The following PRKAG2 variants were observed in gnomAD, a reference collection of about 807,000 sequenced individuals.
PRKAG2 encodes the protein protein kinase AMP-activated non-catalytic subunit gamma 2, also known as 5'-AMP-activated protein kinase subunit gamma-2.
In PRKAG2, 26 loss-of-function variants were observed where a neutral mutation model predicts 69.6. The observed-to-expected ratio is 0.37, with a 90% CI of 0.27 to 0.52. The LOEUF is 0.52. Among genes scored for constraint, PRKAG2 ranks in the 20% least tolerant of loss-of-function variants. The pLI, the probability that PRKAG2 is intolerant of heterozygous loss-of-function variation, is 0.90. For synonymous variants in PRKAG2, 293 were observed against 285.0 expected (o/e 1.03, Z -0.28); for missense variants, 557 against 740.0 (o/e 0.75, Z 2.87).
chr7:151,832,640 C>T (rs1026632611), intron 1 of PRKAG2, among the ~76,000 whole-genome samples: 4 of 151,200 alleles, frequency 2.6e-5, no homozygotes, highest in South Asian at 4.2e-4. Flanking sequence ...CCTTCCACAG[C>T]GTGAGCCCCC....
At chr7:151,725,030 T>C (rs1797709696) in intron 3 of PRKAG2, among the ~76,000 whole-genome samples, 1 of 151,902 alleles carries the variant, frequency 6.6e-6, no homozygotes, top group Non-Finnish European at 1.5e-5. Flanking sequence ...GCGCCTGACG[T>C]GAGTACTCCT....
chr7:151,817,958 T>C (rs1370825352), intron 1 of PRKAG2, among the ~76,000 whole-genome samples: 4 of 152,192 alleles, frequency 2.6e-5, no homozygotes, highest in African/African-American at 9.7e-5. Flanking sequence ...ATTACTTGCA[T>C]AATTAAGAAT....
chr7:151,577,424 C>T (rs1340102365), intron 6 of PRKAG2, among the ~76,000 whole-genome samples: 1 of 152,068 alleles, frequency 6.6e-6, no homozygotes, highest in Non-Finnish European at 1.5e-5. Flanking sequence ...GGGAAAATGT[C>T]CAACCTTATT....
chr7:151,600,224 G>A (rs1212388593), intron 5 of PRKAG2, among the ~76,000 whole-genome samples: 1 of 152,174 alleles, frequency 6.6e-6, no homozygotes, highest in Non-Finnish European at 1.5e-5. Context: ...TATGCCATCT[G>A]CAAGAGACAT....
At chr7:151,747,506 G>A (rs939223333) in intron 3 of PRKAG2, among the ~76,000 whole-genome samples, 1 of 152,090 alleles carries the variant, frequency 6.6e-6, no homozygotes, top group Non-Finnish European at 1.5e-5. Flanking sequence ...GTAGTGAGCC[G>A]AGATTGCGCC....
At chr7:151,675,778 A>C (rs1352001550) in intron 3 of PRKAG2, 141 bp from the exon 4 acceptor site, 1 of 806,286 alleles carries the variant, frequency 1.2e-6, no homozygotes, top group Non-Finnish European at 2.1e-6. Flanking sequence ...GGGGGCAGTC[A>C]GAGGTCCGGC....
At chr7:151,718,418 A>G (rs10952316) in intron 3 of PRKAG2, among the ~76,000 whole-genome samples, 15,916 of 151,904 alleles carry the variant, frequency 0.1, 1,779 homozygotes, top group African/African-American at 0.28. Context: ...CAGGGCTTCA[A>G]CGTATGAATT....
At chr7:151,847,135 C>T (rs1303721767) in intron 1 of PRKAG2, among the ~76,000 whole-genome samples, 1 of 152,224 alleles carries the variant, frequency 6.6e-6, no homozygotes, top group Non-Finnish European at 1.5e-5. Context: ...CCAGTGAAAC[C>T]GCCTGGACTT....
chr7:151,654,454 T>C (rs184421457), intron 4 of PRKAG2, among the ~76,000 whole-genome samples: 314 of 152,320 alleles, frequency 2.1e-3, no homozygotes, highest in African/African-American at 7.3e-3. Flanking sequence ...TTCCTCCCAC[T>C]GTCCATATAG....
intron 6 of PRKAG2, among the ~76,000 whole-genome samples, chr7:151,577,771 CAAAT>C (rs1809337106): frequency 6.6e-6 from 1 of 151,384 alleles, no homozygotes; most frequent in African/African-American, 2.4e-5. Context: ...GAAAAAAAAT[CAAAT>C]AATAATTAAC....
At chr7:151,615,281 T>C (rs1304674373) in intron 5 of PRKAG2, among the ~76,000 whole-genome samples, 1 of 152,248 alleles carries the variant, frequency 6.6e-6, no homozygotes, top group Non-Finnish European at 1.5e-5. Flanking sequence ...CCACCACTGA[T>C]GGGCATTTAG....
At chr7:151,604,550 G>C (rs73158123) in intron 5 of PRKAG2, among the ~76,000 whole-genome samples, 21,667 of 151,918 alleles carry the variant, frequency 0.14, 1,645 homozygotes, top group East Asian at 0.26. Flanking sequence ...GAGGTGGGAG[G>C]GTCTCTTGAG....
chr7:151,864,198 C>T (rs1340296031), intron 1 of PRKAG2, among the ~76,000 whole-genome samples: 9 of 152,318 alleles, frequency 5.9e-5, no homozygotes, highest in Middle Eastern at 3.4e-3. Flanking sequence ...GCCACAGGGC[C>T]GGCAGATGGC....
intron 3 of PRKAG2, among the ~76,000 whole-genome samples, chr7:151,763,421 C>T (rs1207097511): frequency 6.6e-6 from 1 of 152,212 alleles, no homozygotes; most frequent in Non-Finnish European, 1.5e-5. Context: ...CCACCCTGAC[C>T]GCAGGGGTGG....
chr7:151,725,020 G>A (rs552783304), intron 3 of PRKAG2, among the ~76,000 whole-genome samples: 61 of 152,146 alleles, frequency 4.0e-4, no homozygotes, highest in Middle Eastern at 6.8e-3. Flanking sequence ...CCCTTTCACC[G>A]CGCCTGACGT....
chr7:151,869,378 G>A (rs1483628159), intron 1 of PRKAG2, among the ~76,000 whole-genome samples: 2 of 152,196 alleles, frequency 1.3e-5, no homozygotes, highest in South Asian at 2.1e-4. Flanking sequence ...ATAGGGCAGC[G>A]GGGGCTAGAT....
chr7:151,569,803 C>A (rs1012985384), intron 10 of PRKAG2, among the ~76,000 whole-genome samples: 1 of 152,144 alleles, frequency 6.6e-6, no homozygotes, highest in Non-Finnish European at 1.5e-5. Flanking sequence ...GATGTTTAAA[C>A]GCTAGTGTGG....
At chr7:151,563,063 G>GA (rs1256423051) in intron 14 of PRKAG2, among the ~76,000 whole-genome samples, 6 of 152,066 alleles carry the variant, frequency 3.9e-5, no homozygotes, top group Admixed American at 3.9e-4. Context: ...AGACTGAAAT[G>GA]ACTCCCCACG....
intron 15 of PRKAG2, 179 bp downstream of exon 15, chr7:151,560,345 C>T: frequency 1.3e-6 from 2 of 1,518,424 alleles, no homozygotes; most frequent in Non-Finnish European, 1.8e-6. Flanking sequence ...ACTTTCCTCA[C>T]TCACGCAGAA....
Sources: gnomAD v4.1 joint callset for allele counts (sites outside exome capture counted in the v4.1 genomes callset) on GRCh38, gnomAD v4.1.1 for gene constraint, MANE v1.5 for transcripts, NCBI Gene and HGNC (gene_info 2026-07-23, HGNC 2026-07-21) for gene names.